ZNF718: variants seen among roughly 807,000 people sequenced by gnomAD.
The protein encoded by ZNF718 is zinc finger protein 718.
Under a neutral mutation model 2.6 loss-of-function variants are expected in ZNF718, and 3 were observed. The ratio of observed to expected loss-of-function variants is 1.16; its 90% CI spans 0.53 to 3.01. The LOEUF (loss-of-function observed/expected upper bound fraction) is 3.01. Among genes scored for constraint, ZNF718 ranks in the 30% most tolerant of loss-of-function variants. The pLI, the probability that ZNF718 is intolerant of heterozygous loss-of-function variation, is 0.03. For missense variants in ZNF718, 468 were observed against 230.0 expected, an observed-to-expected ratio of 2.03 and a Z score of -6.69; for synonymous variants, 135 against 77.9, an observed-to-expected ratio of 1.73 and a Z score of -3.86.
At chr4:198,816 C>T (rs1354129559) in intron 3 of ZNF718, among the ~76,000 whole-genome samples, 3 of 152,160 alleles carry the variant, frequency 2.0e-5, no homozygotes, top group Non-Finnish European at 4.4e-5. Flanking sequence ...GACATGTGCC[C>T]ATCTGGGGTT....
intron 3 of ZNF718, among the ~76,000 whole-genome samples, chr4:170,700 A>G (rs1292869957): frequency 2.6e-5 from 4 of 152,102 alleles, no homozygotes; most frequent in African/African-American, 9.7e-5. Flanking sequence ...CAGCTCCATC[A>G]GGTCCCTTAA....
chr4:168,832 C>T (rs1157858688), downstream of ZNF718, among the ~76,000 whole-genome samples: 3 of 151,948 alleles, frequency 2.0e-5, no homozygotes, highest in South Asian at 6.2e-4. Context: ...TTTTGAAGGG[C>T]TTTTTGTGTC....
intron 3 of ZNF718, among the ~76,000 whole-genome samples, chr4:193,276 G>A (rs1427851492): frequency 7.2e-5 from 11 of 151,916 alleles, no homozygotes; most frequent in South Asian, 2.1e-4. Context: ...TGGTGACCCC[G>A]GCAGTGTTAG....
intron 3 of ZNF718, among the ~76,000 whole-genome samples, chr4:153,041 G>C (rs1331750419): frequency 6.7e-6 from 1 of 150,172 alleles, no homozygotes; most frequent in Admixed American, 6.7e-5. Flanking sequence ...TTATATGTTT[G>C]GGTTTCCCAA....
At chr4:172,268 T>G (rs1717254617) in intron 3 of ZNF718, among the ~76,000 whole-genome samples, 1 of 152,236 alleles carries the variant, frequency 6.6e-6, no homozygotes, top group African/African-American at 2.4e-5. Context: ...TACTCTAAAT[T>G]TATCCATATT....
intron 3 of ZNF718, among the ~76,000 whole-genome samples, chr4:176,204 A>C (rs192907731): frequency 6.6e-6 from 1 of 152,270 alleles, no homozygotes; most frequent in Admixed American, 6.5e-5. Flanking sequence ...CCAGCTGTGC[A>C]TGAATTCCAT....
intron 3 of ZNF718, among the ~76,000 whole-genome samples, chr4:148,123 C>CG (rs1716148842): frequency 6.6e-6 from 1 of 152,120 alleles, no homozygotes; most frequent in Non-Finnish European, 1.5e-5. Flanking sequence ...GATTTCTGGG[C>CG]GGGCAGGACT....
At chr4:146,581 T>A (rs1349233811) in intron 3 of ZNF718, among the ~76,000 whole-genome samples, 6 of 152,154 alleles carry the variant, frequency 3.9e-5, no homozygotes, top group Admixed American at 2.6e-4. Flanking sequence ...CTGTATTTCT[T>A]CCAAGATTGG....
rs1553815519 is a variant in ZNF718, at chr4:162,006, C to T, written c.1321C>T (p.His441Tyr). The T allele has an allele frequency of 1.3e-6, 1 of 779,060 alleles. No individual in the cohort carries two copies. The highest frequency in any genetic ancestry group is 2.4e-6 in the Non-Finnish European group (1 of 417,004). 48.3% of individuals were successfully genotyped at this position (779,060 alleles called of 1,614,324 possible). ...TAAACAGTCCTCACACTTGAATAAA[C>T]ATAAGAAAATTCACACTGTAGATAA... is the stretch of plus-strand genomic sequence containing the variant. ...AFKQSSHLNK[H>Y]KKIHTVDKPY... Residue 441 changes from histidine (H) to tyrosine (Y), a missense_variant, in exon 4 of 4, where the codon CAT becomes TAT. By Grantham distance (83) the His-to-Tyr change is moderately conservative (BLOSUM62 2). Coordinates refer to ENST00000510175, the MANE Select transcript of ZNF718 (RefSeq NM_001039127.6).
At chr4:141,781 C>A (rs1398431277) in intron 3 of ZNF718, among the ~76,000 whole-genome samples, 1 of 152,030 alleles carries the variant, frequency 6.6e-6, no homozygotes, top group Non-Finnish European at 1.5e-5. Flanking sequence ...AAGCTACTGA[C>A]CTACTAACAC....
At chr4:177,187 T>G (rs186516091) in intron 3 of ZNF718, among the ~76,000 whole-genome samples, 170 of 152,282 alleles carry the variant, frequency 1.1e-3, no homozygotes, top group African/African-American at 3.7e-3. Flanking sequence ...TGTTATTGCC[T>G]CCTCAACTTT....
chr4:172,741 A>C (rs79746394), intron 3 of ZNF718, among the ~76,000 whole-genome samples: 4,497 of 152,264 alleles, frequency 0.03, 248 homozygotes, highest in Admixed American at 0.13. Flanking sequence ...TTTTTGTTAT[A>C]CATGTGTGTG....
chr4:166,975 A>C (rs1409686731), downstream of ZNF718, among the ~76,000 whole-genome samples: 2 of 152,090 alleles, frequency 1.3e-5, no homozygotes, highest in Non-Finnish European at 1.5e-5. Flanking sequence ...TAGGGTTTTT[A>C]TGGTTTTAGG....
At chr4:181,552 TA>T (rs1717463798) in intron 3 of ZNF718, among the ~76,000 whole-genome samples, 1 of 152,164 alleles carries the variant, frequency 6.6e-6, no homozygotes, top group Admixed American at 6.6e-5. Flanking sequence ...CTTCTGCTAT[TA>T]AAATTTCTTG....
intron 3 of ZNF718, among the ~76,000 whole-genome samples, chr4:150,869 T>A (rs1315710884): frequency 2.6e-5 from 4 of 152,054 alleles, no homozygotes; most frequent in African/African-American, 9.7e-5. Context: ...AACTAACATA[T>A]GACCCAACAA....
intron 3 of ZNF718, among the ~76,000 whole-genome samples, chr4:183,573 T>C (rs369022484): frequency 6.6e-6 from 1 of 152,230 alleles, no homozygotes; most frequent in Non-Finnish European, 1.5e-5. Context: ...TAGCATTGAA[T>C]TGAATCTATA....
chr4:140,810 A>C (rs1340031812), intron 3 of ZNF718, among the ~76,000 whole-genome samples: 1 of 152,238 alleles, frequency 6.6e-6, no homozygotes, highest in Non-Finnish European at 1.5e-5. Context: ...GTAAAAGAGC[A>C]CTCATAAGTA....
rs141620815 is a variant in ZNF718, at chr4:176,749, T to C, written c.227-24332T>C. Reference sequence around the variant, plus strand: ...TCTTTTATTCCTTTCAGAAAACCCTTCTCCCAGATACTACTAGACACATGA... The same window carrying C: ...TCTTTTATTCCTTTCAGAAAACCCTCCTCCCAGATACTACTAGACACATGA... On this transcript the variant is annotated intron_variant and NMD_transcript_variant, in intron 3 of 4. Coordinates refer to the ZNF718 transcript ENST00000642529. Among the ~76,000 whole-genome samples, 1,015 of 152,242 alleles carry C rather than the reference T, an allele frequency of 6.7e-3. 13 individuals are homozygous for C. Among genetic ancestry groups the C allele is most frequent in the African/African-American group, 0.023 (953 of 41,556 alleles).
chr4:160,527 T>A (rs1553814673), intron 3 of ZNF718, among the ~76,000 whole-genome samples: 2 of 152,176 alleles, frequency 1.3e-5, no homozygotes, highest in Non-Finnish European at 2.9e-5. Context: ...GTATTAGATT[T>A]GTAAAGTATA....
Sources: allele counts gnomAD v4.1 joint callset (sites outside exome capture counted in the v4.1 genomes callset), GRCh38; gene constraint gnomAD v4.1.1; transcripts MANE v1.5; gene names NCBI Gene and HGNC (gene_info 2026-07-23, HGNC 2026-07-21).